Variants in RNF10 observed in about 807,000 individuals in gnomAD.
RNF10 encodes E3 ubiquitin-protein ligase RNF10.
Under a neutral mutation model 91.4 loss-of-function variants are expected in RNF10, and 38 were observed. The observed-to-expected ratio is 0.42, with a 90% CI of 0.32 to 0.54. The LOEUF (loss-of-function observed/expected upper bound fraction) is 0.54, where lower values mean the gene tolerates loss of function less well. Among genes scored for constraint, RNF10 ranks in the 20% least tolerant of loss-of-function variants. The pLI is 0.16. For missense variants in RNF10, 945 were observed against 1,012.0 expected (o/e 0.93, Z 0.90); for synonymous variants, 364 against 366.3 (o/e 0.99, Z 0.07).
chr12:120,554,822 C>T lies in RNF10; in HGVS notation c.645+14C>T, dbSNP rs1017672239. ...GTGGAACAAGTGGTGAGTAGCTCAG[C>T]CAAGCCCATAAGCTATGAATGGGAG... is the stretch of plus-strand genomic sequence containing the variant. On this transcript the variant is annotated intron_variant, in intron 4 of 16. Coordinates refer to ENST00000325954, the MANE Select transcript of RNF10 (RefSeq NM_014868.5). 3 of 1,602,360 alleles carry T rather than the reference C, an allele frequency of 1.9e-6. No homozygotes were observed. Among genetic ancestry groups the T allele is most frequent in the Non-Finnish European group, 2.6e-6 (3 of 1,169,568 alleles).
intron 7 of RNF10, among the ~76,000 whole-genome samples, chr12:120,562,267 C>CTTTTTTTTTTTTTTTT (rs1174061958): frequency 9.8e-6 from 1 of 102,182 alleles, no homozygotes; most frequent in African/African-American, 3.3e-5. Flanking sequence ...CTTTTTCTTT[C>CTTTTTTTTTTTTTTTT]TTTCTTTTTT....
At chr12:120,552,354 C>G (rs775864769) in intron 2 of RNF10, 145 bp from the exon 3 acceptor site, 3 of 651,704 alleles carry the variant, frequency 4.6e-6, no homozygotes, top group East Asian at 2.8e-5. Context: ...GAGCCAAGAT[C>G]GTGCCATTGC....
chr12:120,540,536 A>C (rs1056506714), intron 1 of RNF10, among the ~76,000 whole-genome samples: 1 of 152,170 alleles, frequency 6.6e-6, no homozygotes, highest in African/African-American at 2.4e-5. Context: ...TAATACTCTG[A>C]ATTTTATCTC....
At chr12:120,557,736 A>G (rs1874250458) in intron 6 of RNF10, 54 bp downstream of exon 6, 2 of 1,585,992 alleles carry the variant, frequency 1.3e-6, no homozygotes, top group African/African-American at 2.7e-5. Flanking sequence ...CTTTAAGGTG[A>G]TTGAATATAT....
chr12:120,564,962 G>A (rs769499492), intron 10 of RNF10, 110 bp from the exon 11 acceptor site: 1 of 728,456 alleles, frequency 1.4e-6, no homozygotes. Context: ...ACTGTTTCCA[G>A]CCCCAGTGCT....
At position 120,575,868 on chromosome 12, in the gene RNF10, C is replaced by G. The variant is rs1215993255; in HGVS notation, c.2277C>G (p.Pro759=). ...ATAATTCAGACCGTGTTCCTGTGCC[C>G]AGTTTTCAAAATTCCTTCAGCCAAG... ...ESDNSDRVPV[P]SFQNSFSQAI... The change falls in exon 16 of 17, where the codon CCC becomes CCG. Residue 759 remains proline, a synonymous_variant. Coordinates refer to ENST00000325954, the MANE Select transcript of RNF10 (RefSeq NM_014868.5). 1 of 1,614,174 alleles carries G rather than the reference C, an allele frequency of 6.2e-7. No individual in the cohort carries two copies. The highest frequency in any genetic ancestry group is 8.5e-7 in the Non-Finnish European group (1 of 1,180,014).
chr12:120,564,888 A>C (rs1264915846), intron 10 of RNF10, among the ~76,000 whole-genome samples, 184 bp from the exon 11 acceptor site: 1 of 152,212 alleles, frequency 6.6e-6, no homozygotes, highest in Non-Finnish European at 1.5e-5. Flanking sequence ...TTGGTTGCTT[A>C]TTCCACCTTG....
intron 8 of RNF10, 51 bp from the exon 9 acceptor site, chr12:120,563,296 T>G (rs755679496): frequency 6.4e-7 from 1 of 1,563,554 alleles, no homozygotes; most frequent in Non-Finnish European, 8.6e-7. Context: ...CCACATTGCT[T>G]TCGGAAAGCA....
chr12:120,549,297 G>A lies in RNF10; in HGVS notation c.354+2696G>A, dbSNP rs1351474787. On this transcript the variant is annotated intron_variant, in intron 2 of 16. Transcript: ENST00000325954. ...TGAAGGAGTTGTCTGGGAAAGTGAGGGAATGAATGGACTGCAGAAGCGTAC... is the reference window on the plus strand; with the variant it reads ...TGAAGGAGTTGTCTGGGAAAGTGAGAGAATGAATGGACTGCAGAAGCGTAC... Among the ~76,000 whole-genome samples the A allele has an allele frequency of 2.0e-5, 3 of 152,280 alleles. No homozygotes were observed. In the East Asian group the frequency reaches 5.8e-4, roughly 29 times the overall value.
At chr12:120,539,491 C>T in intron 1 of RNF10, 2 of 1,121,072 alleles carry the variant, frequency 1.8e-6, no homozygotes, top group Non-Finnish European at 2.4e-6. Flanking sequence ...CTTGTGATTA[C>T]AGCATGAATC....
chr12:120,551,830 C>T (rs1401454170), intron 2 of RNF10, among the ~76,000 whole-genome samples: 1 of 151,926 alleles, frequency 6.6e-6, no homozygotes, highest in African/African-American at 2.4e-5. Context: ...TTACTCCATT[C>T]TCTCATTGCT....
chr12:120,554,845 G>T, intron 4 of RNF10, 37 bp downstream of exon 4: 2 of 1,522,706 alleles, frequency 1.3e-6, no homozygotes, highest in South Asian at 2.2e-5. Flanking sequence ...CTATGAATGG[G>T]AGCACTAAAT....
intron 6 of RNF10, among the ~76,000 whole-genome samples, chr12:120,558,962 G>A (rs1050799103): frequency 6.2e-5 from 9 of 145,232 alleles, no homozygotes; most frequent in Non-Finnish European, 9.1e-5. Context: ...TCACTTTGTC[G>A]CCTGGGCTGG....
intron 1 of RNF10, 65 bp downstream of exon 1, chr12:120,535,033 C>G: frequency 6.7e-7 from 1 of 1,481,496 alleles, no homozygotes; most frequent in Non-Finnish European, 8.9e-7. Flanking sequence ...AGTCGTTGCT[C>G]TCATCGGCTG....
intron 13 of RNF10, among the ~76,000 whole-genome samples, chr12:120,568,104 G>A (rs930414216): frequency 6.6e-6 from 1 of 152,050 alleles, no homozygotes; most frequent in African/African-American, 2.4e-5. Flanking sequence ...ATTTAGCCAG[G>A]TGTGGTAGTG....
intron 1 of RNF10, among the ~76,000 whole-genome samples, chr12:120,538,629 A>G (rs1046292801): frequency 1.3e-5 from 2 of 152,150 alleles, no homozygotes; most frequent in African/African-American, 4.8e-5. Flanking sequence ...GAAAGTGGGG[A>G]AAGTCATTTA....
chr12:120,543,117 ATTGT>A (rs1244801439), intron 1 of RNF10, among the ~76,000 whole-genome samples: 1 of 152,154 alleles, frequency 6.6e-6, no homozygotes, highest in South Asian at 2.1e-4. Context: ...TTTCTGAGGC[ATTGT>A]TTAACCTTGA....
At chr12:120,543,882 C>CTGAGGT (rs1298168932) in intron 1 of RNF10, among the ~76,000 whole-genome samples, 3 of 152,104 alleles carry the variant, frequency 2.0e-5, no homozygotes, top group African/African-American at 7.2e-5. Flanking sequence ...AGATGCTAAG[C>CTGAGGT]TGAGGTTGAG....
chr12:120,565,574 G>T, intron 12 of RNF10, 45 bp downstream of exon 12: 2 of 1,529,584 alleles, frequency 1.3e-6, no homozygotes, highest in African/African-American at 2.7e-5. Flanking sequence ...GCTGTACGTC[G>T]TTGTATAGAA....
Sources: allele counts gnomAD v4.1 joint callset (sites outside exome capture counted in the v4.1 genomes callset), GRCh38; gene constraint gnomAD v4.1.1; transcripts MANE v1.5; gene names NCBI Gene and HGNC (gene_info 2026-07-23, HGNC 2026-07-21).